Variants in CSGALNACT1 observed in about 807,000 individuals in gnomAD.
The protein encoded by CSGALNACT1 is chondroitin sulfate N-acetylgalactosaminyltransferase 1, also known as beta4GalNAcT-1.
Under a neutral mutation model 51.0 loss-of-function variants are expected in CSGALNACT1, and 52 were observed. That is an observed-to-expected ratio of 1.02 (90% CI 0.82 to 1.29). The LOEUF (loss-of-function observed/expected upper bound fraction) is 1.29, where lower values mean the gene tolerates loss of function less well. Ranked by LOEUF, CSGALNACT1 falls within the 50% of genes most tolerant of loss-of-function variation. The pLI, the probability that CSGALNACT1 is intolerant of heterozygous loss-of-function variation, is 0.00. For synonymous variants in CSGALNACT1, 341 were observed against 254.4 expected, an observed-to-expected ratio of 1.34 and a Z score of -3.24; for missense variants, 935 against 679.2, an observed-to-expected ratio of 1.38 and a Z score of -4.19.
intron 1 of CSGALNACT1, among the ~76,000 whole-genome samples, chr8:19,749,481 C>G (rs1212417420): frequency 6.6e-6 from 1 of 152,186 alleles, no homozygotes; most frequent in Non-Finnish European, 1.5e-5. Flanking sequence ...CTTCCTGCTC[C>G]TGGCTGAGGT....
chr8:19,628,503 G>T (rs7814953), intron 1 of CSGALNACT1, among the ~76,000 whole-genome samples: 189 of 152,304 alleles, frequency 1.2e-3, no homozygotes, highest in African/African-American at 4.1e-3. Flanking sequence ...GAGCCAAACC[G>T]TATCAACAGT....
intron 3 of CSGALNACT1, 82 bp from the exon 3 acceptor site, chr8:19,506,212 G>A: frequency 2.3e-6 from 1 of 433,138 alleles, no homozygotes; most frequent in Non-Finnish European, 4.5e-6. Context: ...ATATCCAATA[G>A]ATCTCCTGTG....
chr8:19,407,040 C>G (rs558204469), intron 9 of CSGALNACT1, among the ~76,000 whole-genome samples: 2 of 152,260 alleles, frequency 1.3e-5, no homozygotes, highest in Admixed American at 1.3e-4. Context: ...TTTTGGGAAG[C>G]TGATTTGCAC....
chr8:19,470,846 A>C (rs1268596133), intron 4 of CSGALNACT1, among the ~76,000 whole-genome samples: 1 of 152,122 alleles, frequency 6.6e-6, no homozygotes, highest in Non-Finnish European at 1.5e-5. Context: ...CTATAATCCC[A>C]ACACTTTCGG....
chr8:19,665,184 T>A (rs2059089685), intron 1 of CSGALNACT1, among the ~76,000 whole-genome samples: 1 of 152,170 alleles, frequency 6.6e-6, no homozygotes, highest in Non-Finnish European at 1.5e-5. Flanking sequence ...TGGCTAATTT[T>A]TGTATTTTTA....
intron 5 of CSGALNACT1, among the ~76,000 whole-genome samples, chr8:19,458,111 T>C (rs1427463775): frequency 1.3e-5 from 2 of 152,198 alleles, no homozygotes; most frequent in Admixed American, 6.5e-5. Flanking sequence ...TCTTGGTTCC[T>C]GCTATCCCCA....
At chr8:19,733,830 A>G (rs2063820376) in intron 1 of CSGALNACT1, among the ~76,000 whole-genome samples, 1 of 152,046 alleles carries the variant, frequency 6.6e-6, no homozygotes, top group Non-Finnish European at 1.5e-5. Context: ...ATTGTACATG[A>G]AAGTAGCCAG....
intron 1 of CSGALNACT1, chr8:19,642,016 CTG>C (rs1329255268): frequency 1.3e-5 from 2 of 152,142 alleles, no homozygotes; most frequent in African/African-American, 4.8e-5. Context: ...CGCCTGATGT[CTG>C]TGTCTAACTG....
At chr8:19,720,695 T>C (rs2063072588) in intron 1 of CSGALNACT1, among the ~76,000 whole-genome samples, 1 of 152,126 alleles carries the variant, frequency 6.6e-6, no homozygotes, top group Admixed American at 6.5e-5. Flanking sequence ...CTACCTCCCA[T>C]CCACTTGCTT....
intron 1 of CSGALNACT1, among the ~76,000 whole-genome samples, chr8:19,632,802 C>A (rs947275612): frequency 6.6e-6 from 1 of 152,258 alleles, no homozygotes; most frequent in South Asian, 2.1e-4. Flanking sequence ...GTCATCCAGG[C>A]TGGAGTGCAG....
intron 3 of CSGALNACT1, among the ~76,000 whole-genome samples, chr8:19,577,209 A>G (rs2044435630): frequency 6.6e-6 from 1 of 152,076 alleles, no homozygotes; most frequent in South Asian, 2.1e-4. Context: ...AGAATTCATA[A>G]TTTTGTTCTC....
chr8:19,404,454 G>T (rs2053762707), exon 10 of CSGALNACT1: 1 of 453,106 alleles, frequency 2.2e-6, no homozygotes, highest in Non-Finnish European at 4.4e-6. Context: ...GTTTGAAATG[G>T]TAATAAAATG....
At chr8:19,690,952 C>T (rs1482074035) in intron 1 of CSGALNACT1, among the ~76,000 whole-genome samples, 3 of 152,160 alleles carry the variant, frequency 2.0e-5, no homozygotes, top group African/African-American at 7.2e-5. Context: ...TGGCACTGGG[C>T]ACTGTGGCTC....
intron 1 of CSGALNACT1, among the ~76,000 whole-genome samples, chr8:19,630,695 T>G (rs2055129897): frequency 6.6e-6 from 1 of 152,214 alleles, no homozygotes; most frequent in South Asian, 2.1e-4. Flanking sequence ...TAGTTTTATC[T>G]TTTCCAGAAT....
chr8:19,720,355 G>A (rs2063053274), intron 1 of CSGALNACT1, among the ~76,000 whole-genome samples: 1 of 152,200 alleles, frequency 6.6e-6, no homozygotes, highest in African/African-American at 2.4e-5. Context: ...GAAACTCGGA[G>A]GAATAATCAT....
At chr8:19,524,366 T>C (rs974405576) in intron 3 of CSGALNACT1, among the ~76,000 whole-genome samples, 2 of 152,160 alleles carry the variant, frequency 1.3e-5, no homozygotes, top group Non-Finnish European at 2.9e-5. Context: ...ACGATGCATG[T>C]TATTTTAATA....
At chr8:19,623,156 T>C (rs1037709488) in intron 1 of CSGALNACT1, among the ~76,000 whole-genome samples, 1 of 152,114 alleles carries the variant, frequency 6.6e-6, no homozygotes, top group Non-Finnish European at 1.5e-5. Context: ...AAACAGAAAC[T>C]GGGAAAGCTT....
chr8:19,730,538 A>G (rs1051407914), intron 1 of CSGALNACT1, among the ~76,000 whole-genome samples: 2 of 152,220 alleles, frequency 1.3e-5, no homozygotes, highest in African/African-American at 4.8e-5. Context: ...GTACTTAAGG[A>G]TAAGCAAAAA....
intron 3 of CSGALNACT1, among the ~76,000 whole-genome samples, chr8:19,543,405 G>A (rs1220592929): frequency 6.6e-6 from 1 of 152,216 alleles, no homozygotes; most frequent in Non-Finnish European, 1.5e-5. Flanking sequence ...CTTGTAAAAA[G>A]TTCTCTATAC....
Sources: allele counts gnomAD v4.1 joint callset (sites outside exome capture counted in the v4.1 genomes callset), GRCh38; gene constraint gnomAD v4.1.1; transcripts MANE v1.5; gene names NCBI Gene and HGNC (gene_info 2026-07-23, HGNC 2026-07-21).